Variants in PHYHIPL observed in about 807,000 individuals in gnomAD.
The protein encoded by PHYHIPL is phytanoyl-CoA hydroxylase-interacting protein-like.
PHYHIPL carries 9 observed loss-of-function variants against 33.4 expected under a neutral mutation model. The ratio of observed to expected loss-of-function variants is 0.27; its 90% CI spans 0.16 to 0.47. The LOEUF (loss-of-function observed/expected upper bound fraction) is 0.47. PHYHIPL is among the 20% of genes least tolerant of loss of function. The pLI is 0.99. For missense variants in PHYHIPL, 365 were observed against 460.7 expected, an observed-to-expected ratio of 0.79 and a Z score of 1.90; for synonymous variants, 153 against 154.1, an observed-to-expected ratio of 0.99 and a Z score of 0.05.
intron 1 of PHYHIPL, among the ~76,000 whole-genome samples, chr10:59,200,290 C>T (rs529475368): frequency 6.6e-6 from 1 of 152,172 alleles, no homozygotes; most frequent in Non-Finnish European, 1.5e-5. Context: ...TTGTCAAAGG[C>T]CTTTTCTGCA....
upstream of PHYHIPL, among the ~76,000 whole-genome samples, chr10:59,175,704 C>A (rs77712636): frequency 5.8e-4 from 88 of 152,290 alleles, no homozygotes; most frequent in African/African-American, 2.0e-3. Context: ...AATCAATGGG[C>A]ATACAAGTTA....
intron 1 of PHYHIPL, among the ~76,000 whole-genome samples, chr10:59,181,173 G>GC (rs1458351392): frequency 6.6e-6 from 1 of 152,114 alleles, no homozygotes; most frequent in African/African-American, 2.4e-5. Flanking sequence ...TACCAGTGTT[G>GC]ATATTAATAC....
intron 1 of PHYHIPL, among the ~76,000 whole-genome samples, chr10:59,180,639 T>G (rs959013827): frequency 6.6e-6 from 1 of 151,968 alleles, no homozygotes; most frequent in East Asian, 1.9e-4. Context: ...ACAGATTTCC[T>G]TGTCTTTGTC....
chr10:59,208,267 A>T (rs1225547950), intron 1 of PHYHIPL, among the ~76,000 whole-genome samples: 2 of 152,204 alleles, frequency 1.3e-5, no homozygotes, highest in Non-Finnish European at 2.9e-5. Flanking sequence ...TCTGCTGGTA[A>T]TACCCAGGCA....
chr10:59,238,811 C>A, intron 4 of PHYHIPL, 106 bp downstream of exon 4: 2 of 614,592 alleles, frequency 3.3e-6, no homozygotes, highest in South Asian at 2.7e-5. Context: ...TTCTAGATTT[C>A]TTTTCAAAAT....
chr10:59,183,657 TGAA>T, intron 1 of PHYHIPL: 1 of 985,234 alleles, frequency 1.0e-6, no homozygotes, highest in East Asian at 1.1e-4. Context: ...CTCTGTATTT[TGAA>T]GATGCTCAAC....
In PHYHIPL at chr10:59,244,586, A is replaced by G. The variant is rs1379959236; in HGVS notation, c.597-471A>G. 9.1e-4 allele frequency among the ~76,000 whole-genome samples: 125 copies of G among 136,662 alleles called. 1 individual carries two copies. Among genetic ancestry groups the G allele is most frequent in the African/African-American group, 2.8e-3 (104 of 37,654 alleles). 89.7% of individuals were successfully genotyped at this position (136,662 alleles called of 152,430 possible). A position where few individuals can be genotyped will look rare whatever the true frequency, so the allele number is the denominator to read the frequency against. On this transcript the variant is annotated intron_variant, in intron 4 of 4. Transcript: ENST00000373880. ...TCAAAAAAAAAAAAAAAAAAAAAAAAGCCAAAACAAAACACAACGCTTTTG... is the reference window on the plus strand; with the variant it reads ...TCAAAAAAAAAAAAAAAAAAAAAAAGGCCAAAACAAAACACAACGCTTTTG...
chr10:59,244,562 C>A (rs1338595229), intron 4 of PHYHIPL, among the ~76,000 whole-genome samples: 52 of 39,552 alleles, frequency 1.3e-3, no homozygotes, highest in African/African-American at 2.7e-3. Flanking sequence ...GACTCTGTCT[C>A]AAAAAAAAAA....
At chr10:59,215,935 G>C (rs991205280) in intron 1 of PHYHIPL, among the ~76,000 whole-genome samples, 1 of 151,972 alleles carries the variant, frequency 6.6e-6, no homozygotes, top group Non-Finnish European at 1.5e-5. Context: ...TGGGCATTAC[G>C]TTGATGCCAT....
chr10:59,218,728 A>G (rs1213485025), intron 1 of PHYHIPL, among the ~76,000 whole-genome samples: 1 of 128,806 alleles, frequency 7.8e-6, no homozygotes, highest in Non-Finnish European at 1.9e-5. Context: ...AAAAAAGAAT[A>G]CATAATTATA....
intron 1 of PHYHIPL, chr10:59,183,705 A>G: frequency 1.0e-6 from 1 of 982,638 alleles, no homozygotes; most frequent in Non-Finnish European, 1.2e-6. Context: ...CATACTTGGA[A>G]TTGTCGTTAG....
At chr10:59,209,944 A>T (rs971605274) in intron 1 of PHYHIPL, among the ~76,000 whole-genome samples, 1 of 152,254 alleles carries the variant, frequency 6.6e-6, no homozygotes, top group Non-Finnish European at 1.5e-5. Flanking sequence ...TGGATTAAAG[A>T]CTTAAATGTA....
chr10:59,245,137 A>G lies in PHYHIPL; in HGVS notation c.677A>G (p.Glu226Gly). The G allele has an allele frequency of 6.2e-7, 1 of 1,614,104 alleles. No homozygotes were observed. The highest frequency in any genetic ancestry group is 8.5e-7 in the Non-Finnish European group (1 of 1,179,996). Residue 226 changes from glutamate to glycine, a missense_variant, in exon 5 of 5, where the codon GAA becomes GGA. By Grantham distance (98) the Glu-to-Gly change is moderately conservative. Around this residue, in one of 4 missense-constraint regions of PHYHIPL, gnomAD observed 196 missense variants for 224.9 expected, o/e 0.87. Transcript: ENST00000373880. ...GGCTCTCCTATCAGTGGAAAATTAG[A>G]AGGCATCTTCTTCAGCTGCAGCACT... is the stretch of plus-strand genomic sequence containing the variant. ...SHGSPISGKL[E>G]GIFFSCSTEF...
At chr10:59,181,906 G>A (rs1028397407) in intron 1 of PHYHIPL, among the ~76,000 whole-genome samples, 1 of 152,144 alleles carries the variant, frequency 6.6e-6, no homozygotes, top group Admixed American at 6.5e-5. Flanking sequence ...TTTAACGCTG[G>A]CAACTTACTT....
At position 59,226,121 on chromosome 10, in the gene PHYHIPL, T is replaced by C. The variant is rs553973086; in HGVS notation, c.107-8183T>C. The stretch of plus-strand genomic sequence containing the variant: ...AAGATTAGTTAAGATAATAAACTAA[T>C]ATATAAAGAGACGTAATTGAGAACA... On this transcript the variant is annotated intron_variant, in intron 1 of 4. Transcript: ENST00000373880. Among the ~76,000 whole-genome samples the C allele has an allele frequency of 4.6e-5, 7 of 152,006 alleles. No individual in the cohort carries two copies. In the South Asian group the frequency reaches 1.5e-3, roughly 32 times the overall value.
chr10:59,196,415 A>ATTT (rs59368905), intron 1 of PHYHIPL, among the ~76,000 whole-genome samples: 1 of 136,566 alleles, frequency 7.3e-6, no homozygotes, highest in Non-Finnish European at 1.6e-5. Flanking sequence ...CACTGTCAAC[A>ATTT]TTTTTTTTTT....
At chr10:59,229,726 A>G (rs1167811951) in intron 1 of PHYHIPL, among the ~76,000 whole-genome samples, 1 of 152,202 alleles carries the variant, frequency 6.6e-6, no homozygotes, top group Non-Finnish European at 1.5e-5. Context: ...GAAGTGAGGT[A>G]CAGAAACAAC....
At chr10:59,214,133 A>G (rs1839542285) in intron 1 of PHYHIPL, among the ~76,000 whole-genome samples, 1 of 152,152 alleles carries the variant, frequency 6.6e-6, no homozygotes, top group Non-Finnish European at 1.5e-5. Context: ...ATTCCATACT[A>G]TAAATTCCAT....
chr10:59,244,778 A>G (rs1840588338), intron 4 of PHYHIPL, among the ~76,000 whole-genome samples: 1 of 152,088 alleles, frequency 6.6e-6, no homozygotes, highest in Non-Finnish European at 1.5e-5. Context: ...TAAGGTTTCT[A>G]ATTCCAGTTT....
Sources: allele counts gnomAD v4.1 joint callset (sites outside exome capture counted in the v4.1 genomes callset), GRCh38; gene constraint gnomAD v4.1.1; regional missense constraint gnomAD v4.1.1; transcripts MANE v1.5; gene names NCBI Gene and HGNC (gene_info 2026-07-23, HGNC 2026-07-21).